The following RSRC1 variants were observed in gnomAD, a reference collection of about 807,000 sequenced individuals.
RSRC1 encodes the protein serine/Arginine-related protein 53.
In RSRC1, 39 loss-of-function variants were observed where a neutral mutation model predicts 49.1. The ratio of observed to expected loss-of-function variants is 0.79; its 90% confidence interval spans 0.61 to 1.04. The LOEUF (loss-of-function observed/expected upper bound fraction) is 1.04, where lower values mean the gene tolerates loss of function less well. Among genes scored for constraint, RSRC1 ranks in the 50% least tolerant of loss-of-function variants. The probability of loss-of-function intolerance (pLI) is 0.00; values close to 1 mark genes in which losing one functional copy is unlikely to be tolerated. For missense variants in RSRC1, 388 were observed against 402.4 expected, an observed-to-expected ratio of 0.96 and a Z score of 0.31; for synonymous variants, 143 against 130.8, an observed-to-expected ratio of 1.09 and a Z score of -0.63.
intron 5 of RSRC1, among the ~76,000 whole-genome samples, chr3:158,350,258 G>A (rs827133): frequency 0.87 from 130,843 of 149,782 alleles, 57,795 homozygotes; most frequent in East Asian, 1. Context: ...GCTCACTGCA[G>A]TCTTCACCTC....
At position 158,527,803 on chromosome 3, in the gene RSRC1, A is replaced by G. The variant is rs528764583; in HGVS notation, c.653-9289A>G. Among the ~76,000 whole-genome samples the G allele has an allele frequency of 5.9e-5, 9 of 152,114 alleles. No homozygotes were observed. The South Asian group carries it at 1.7e-3, about 28-fold the overall frequency. On this transcript the variant is annotated intron_variant, in intron 7 of 9. Coordinates refer to ENST00000611884, the MANE Select transcript of RSRC1 (RefSeq NM_001271838.2). ...TGTTCCACCCTTGCAAATATGTATAATAATTAGCCACAATTAATATTCCTC... is the reference window on the plus strand; with the variant it reads ...TGTTCCACCCTTGCAAATATGTATAGTAATTAGCCACAATTAATATTCCTC...
rs937515913 is a variant in RSRC1, at chr3:158,184,075, A to G, written c.321-18997A>G. Reference sequence around the variant, plus strand: ...GAATCTTGAACTTGAATTTAGGAATATGTTTATTAAATCATGCTGGAAACA... The same window carrying G: ...GAATCTTGAACTTGAATTTAGGAATGTGTTTATTAAATCATGCTGGAAACA... On this transcript the variant is annotated intron_variant, in intron 3 of 9. Transcript: ENST00000611884. Among the ~76,000 whole-genome samples, 5 of 152,136 alleles carry G rather than the reference A, an allele frequency of 3.3e-5. No individual in the cohort carries two copies. In the South Asian group the frequency reaches 1.0e-3, roughly 31 times the overall value.
intron 6 of RSRC1, among the ~76,000 whole-genome samples, chr3:158,383,808 A>C (rs1273192531): frequency 1.3e-5 from 2 of 152,166 alleles, no homozygotes; most frequent in Admixed American, 1.3e-4. Flanking sequence ...AGTCACAAAC[A>C]AGTGATTTAC....
chr3:158,316,674 G>C (rs1728482603), intron 5 of RSRC1, among the ~76,000 whole-genome samples: 1 of 151,980 alleles, frequency 6.6e-6, no homozygotes, highest in Non-Finnish European at 1.5e-5. Context: ...TCGATCTCCT[G>C]ACCTTGTGAT....
intron 1 of RSRC1, among the ~76,000 whole-genome samples, chr3:158,112,227 T>C (rs1714465996): frequency 6.6e-6 from 1 of 152,250 alleles, no homozygotes; most frequent in Non-Finnish European, 1.5e-5. Flanking sequence ...CAGAAAGAAC[T>C]ATCAATGTGT....
At chr3:158,255,754 C>T (rs888114514) in intron 4 of RSRC1, among the ~76,000 whole-genome samples, 2 of 152,144 alleles carry the variant, frequency 1.3e-5, no homozygotes, top group African/African-American at 4.8e-5. Flanking sequence ...TATAGTTCTC[C>T]TTGAAGAGGT....
intron 4 of RSRC1, among the ~76,000 whole-genome samples, chr3:158,232,762 A>C (rs892978304): frequency 6.6e-6 from 1 of 152,092 alleles, no homozygotes; most frequent in Non-Finnish European, 1.5e-5. Context: ...TAACCAGATA[A>C]TGCTTGGCAA....
chr3:158,140,405 G>A (rs1164607702), intron 3 of RSRC1, among the ~76,000 whole-genome samples: 2 of 152,078 alleles, frequency 1.3e-5, no homozygotes, highest in Non-Finnish European at 2.9e-5. Context: ...TTCTGTTTCC[G>A]ATATGCACTC....
chr3:158,154,389 CATTG>C (rs1357888325), intron 3 of RSRC1, among the ~76,000 whole-genome samples: 3 of 151,812 alleles, frequency 2.0e-5, no homozygotes, highest in Non-Finnish European at 2.9e-5. Flanking sequence ...AAGTTTGCTA[CATTG>C]ATTGACCCTT....
At chr3:158,333,667 C>G (rs1729691323) in intron 5 of RSRC1, among the ~76,000 whole-genome samples, 1 of 152,082 alleles carries the variant, frequency 6.6e-6, no homozygotes, top group Non-Finnish European at 1.5e-5. Context: ...AATTTGAAAG[C>G]TCTATCAGAG....
At chr3:158,351,824 G>A (rs1291393387) in intron 5 of RSRC1, among the ~76,000 whole-genome samples, 1 of 148,822 alleles carries the variant, frequency 6.7e-6, no homozygotes. Flanking sequence ...AATTGTTGGA[G>A]TTATTAGTGA....
At chr3:158,228,689 A>G (rs1053787200) in intron 4 of RSRC1, among the ~76,000 whole-genome samples, 8 of 91,920 alleles carry the variant, frequency 8.7e-5, no homozygotes, top group Non-Finnish European at 1.6e-4. Context: ...TTTTGTGCTG[A>G]TAACGATTTT....
chr3:158,275,927 G>T, intron 4 of RSRC1: 1 of 715,394 alleles, frequency 1.4e-6, no homozygotes, highest in Non-Finnish European at 2.5e-6. Flanking sequence ...TTGGCCTGCA[G>T]ATGTGAGCCC....
intron 4 of RSRC1, among the ~76,000 whole-genome samples, chr3:158,279,453 C>CA (rs1320144154): frequency 5.3e-5 from 8 of 152,142 alleles, no homozygotes; most frequent in African/African-American, 1.9e-4. Context: ...ATGTTCTGTA[C>CA]AAAAACAGGA....
At chr3:158,440,597 C>T (rs1423764564) in intron 6 of RSRC1, among the ~76,000 whole-genome samples, 1 of 152,108 alleles carries the variant, frequency 6.6e-6, no homozygotes, top group Non-Finnish European at 1.5e-5. Context: ...CACACATGCA[C>T]GTGTGCACAC....
intron 5 of RSRC1, among the ~76,000 whole-genome samples, chr3:158,300,558 G>C (rs1578308126): frequency 6.6e-6 from 1 of 152,132 alleles, no homozygotes; most frequent in South Asian, 2.1e-4. Flanking sequence ...CCCTTTCACT[G>C]CTGAGCATAT....
chr3:158,239,739 C>A (rs1417898084), intron 4 of RSRC1, among the ~76,000 whole-genome samples: 1 of 152,000 alleles, frequency 6.6e-6, no homozygotes. Context: ...AATGGTTCAC[C>A]TTTTCATTAT....
chr3:158,147,294 G>T lies in RSRC1; in HGVS notation c.320+23303G>T, dbSNP rs557333906. Among the ~76,000 whole-genome samples the T allele has an allele frequency of 1.1e-4, 17 of 151,776 alleles. No individual in the cohort carries two copies. In the South Asian group the frequency reaches 1.5e-3, roughly 13 times the overall value. On this transcript the variant is annotated intron_variant, in intron 3 of 9. Coordinates refer to ENST00000611884, the MANE Select transcript of RSRC1 (RefSeq NM_001271838.2). ...CTTGCTCTGTCACCCAGGTTTGAAT[G>T]CAGTGGTGCAGTCACAGCTCACTGC... is the stretch of plus-strand genomic sequence containing the variant.
intron 7 of RSRC1, among the ~76,000 whole-genome samples, chr3:158,530,085 G>A (rs1379074958): frequency 6.6e-6 from 1 of 151,890 alleles, no homozygotes; most frequent in Non-Finnish European, 1.5e-5. Context: ...ACCAGAAGAT[G>A]TATGAGCTAA....
Sources: allele counts gnomAD v4.1 joint callset (sites outside exome capture counted in the v4.1 genomes callset), GRCh38; gene constraint gnomAD v4.1.1; transcripts MANE v1.5; gene names NCBI Gene and HGNC (gene_info 2026-07-23, HGNC 2026-07-21).